The following DNAH8 variants were observed in gnomAD, a reference collection of about 807,000 sequenced individuals.
DNAH8 encodes dynein axonemal heavy chain 8.
A neutral mutation model predicts 562.1 loss-of-function variants in DNAH8; 382 were observed. The observed-to-expected ratio is 0.68, with a 90% CI of 0.63 to 0.74. The LOEUF (loss-of-function observed/expected upper bound fraction) is 0.74. DNAH8 is among the 30% of genes least tolerant of loss of function. DNAH8 has a pLI of 0.00. For synonymous variants in DNAH8, 1,881 were observed against 1,919.4 expected, an observed-to-expected ratio of 0.98 and a Z score of 0.52; for missense variants, 5,203 against 5,620.4, an observed-to-expected ratio of 0.93 and a Z score of 2.37.
intron 18 of DNAH8, among the ~76,000 whole-genome samples, chr6:38,788,155 G>GTT (rs56324450): frequency 0.014 from 1,997 of 147,642 alleles, 28 homozygotes; most frequent in African/African-American, 0.037. Flanking sequence ...GACTTTTCCT[G>GTT]TTTTTTTTTT....
At chr6:38,968,784 A>G (rs186507050) in intron 82 of DNAH8, among the ~76,000 whole-genome samples, 15 of 152,302 alleles carry the variant, frequency 9.8e-5, no homozygotes, top group Non-Finnish European at 2.9e-5. Flanking sequence ...GCCTCTAAGT[A>G]TATACCCCCA....
intron 29 of DNAH8, among the ~76,000 whole-genome samples, chr6:38,827,892 C>T (rs1474156630): frequency 1.3e-5 from 2 of 151,626 alleles, no homozygotes; most frequent in East Asian, 3.9e-4. Context: ...TTAATACAGT[C>T]TGTATCTTAC....
intron 26 of DNAH8, among the ~76,000 whole-genome samples, chr6:38,820,671 A>G (rs1219977179): frequency 6.6e-6 from 1 of 152,236 alleles, no homozygotes; most frequent in Non-Finnish European, 1.5e-5. Flanking sequence ...AAAGTGTTGT[A>G]TAGTTTGACC....
At chr6:38,984,791 A>AAAAAAC (rs913943595) in intron 87 of DNAH8, among the ~76,000 whole-genome samples, 285 of 152,230 alleles carry the variant, frequency 1.9e-3, no homozygotes, top group Admixed American at 2.9e-3. Context: ...CTCTGTCTCA[A>AAAAAAC]AAAAACAAAA....
intron 7 of DNAH8, among the ~76,000 whole-genome samples, chr6:38,738,797 C>T (rs1277503018): frequency 6.6e-6 from 1 of 152,120 alleles, no homozygotes; most frequent in Non-Finnish European, 1.5e-5. Flanking sequence ...GTGCTGGCCA[C>T]AGCATTTGCT....
intron 91 of DNAH8, among the ~76,000 whole-genome samples, chr6:39,021,986 T>A (rs1180683605): frequency 6.6e-6 from 1 of 152,206 alleles, no homozygotes; most frequent in Non-Finnish European, 1.5e-5. Context: ...ACAACAGCCG[T>A]GAGTGTGTTG....
chr6:38,956,030 G>T (rs1160901435), intron 82 of DNAH8, among the ~76,000 whole-genome samples: 2 of 152,218 alleles, frequency 1.3e-5, no homozygotes, highest in African/African-American at 4.8e-5. Context: ...GCACACTAGT[G>T]TCTCAGTGCA....
intron 21 of DNAH8, among the ~76,000 whole-genome samples, chr6:38,793,521 T>G (rs1562805403): frequency 6.6e-6 from 1 of 152,212 alleles, no homozygotes; most frequent in African/African-American, 2.4e-5. Flanking sequence ...CCTTTTTGGA[T>G]TCTCCTATTT....
At chr6:38,725,804 C>T (rs948940899) in intron 3 of DNAH8, among the ~76,000 whole-genome samples, 3 of 152,122 alleles carry the variant, frequency 2.0e-5, no homozygotes, top group Admixed American at 6.5e-5. Flanking sequence ...GTAAATGTCT[C>T]CCATTTTCAT....
rs1779568886 is a variant in DNAH8 at position 38,894,818 on chromosome 6, C to T, written c.8701C>T (p.Leu2901Phe). The T allele has an allele frequency of 6.2e-7, 1 of 1,613,986 alleles. No individual in the cohort carries two copies. ...TGAGGAGTGCGCTTCAATCCCTACT[C>T]TCCTGTCCCTTTTCAAACACGAGTG... The part of the protein sequence containing the change: ...KAEECASIPT[L>F]LSLFKHECSR... Residue 2901 changes from leucine to phenylalanine, a missense_variant, in exon 59 of 93, where the codon CTC becomes TTC. Physicochemically the swap from Leu to Phe is conservative, Grantham distance 22. Around this residue, in one of 6 missense-constraint regions of DNAH8, gnomAD observed 977 missense variants for 1,061.8 expected, o/e 0.92. Transcript: ENST00000327475.
intron 28 of DNAH8, among the ~76,000 whole-genome samples, chr6:38,825,430 T>A (rs1773226679): frequency 6.6e-6 from 1 of 152,162 alleles, no homozygotes; most frequent in Admixed American, 6.5e-5. Flanking sequence ...ATTTGAGCTA[T>A]GTTAAGGGAG....
chr6:38,750,573 T>C lies in DNAH8; in HGVS notation c.1391T>C (p.Leu464Pro), dbSNP rs762370274. 11 of 1,600,414 alleles carry C rather than the reference T, an allele frequency of 6.9e-6. 1 individual carries two copies. In the South Asian group the frequency reaches 1.0e-4, roughly 15 times the overall value. ...ACTTTGGAAAAAGTGTGTCAACCTC[T>C]CTATAACCATGACCTAGTAAGTATG... Reference protein sequence around the residue: ...LYTLEKVCQPLYNHDLVSMAH... With the variant: ...LYTLEKVCQPPYNHDLVSMAH... Residue 464 changes from leucine to proline, a missense_variant, in exon 9 of 93, where the codon CTC (leucine) becomes CCC (proline). By Grantham distance (98) the Leu-to-Pro change is moderately conservative. Transcript: ENST00000327475.
intron 91 of DNAH8, among the ~76,000 whole-genome samples, chr6:39,023,867 AT>A (rs1328734011): frequency 6.6e-6 from 1 of 152,204 alleles, no homozygotes; most frequent in Non-Finnish European, 1.5e-5. Context: ...TATATTTAAC[AT>A]TTTCCTTTCT....
At chr6:38,721,846 C>T (rs1374842280) in intron 1 of DNAH8, among the ~76,000 whole-genome samples, 1 of 152,182 alleles carries the variant, frequency 6.6e-6, no homozygotes, top group Non-Finnish European at 1.5e-5. Context: ...AGGTCTGCAT[C>T]TGTGTCCTCA....
intron 30 of DNAH8, among the ~76,000 whole-genome samples, chr6:38,832,051 A>G (rs1382248812): frequency 6.6e-6 from 1 of 152,182 alleles, no homozygotes; most frequent in African/African-American, 2.4e-5. Context: ...CATGCCAATA[A>G]TAGTATCTGT....
intron 57 of DNAH8, among the ~76,000 whole-genome samples, chr6:38,890,446 A>G (rs1779263994): frequency 6.6e-6 from 1 of 152,188 alleles, no homozygotes; most frequent in African/African-American, 2.4e-5. Context: ...GTGGGGGATT[A>G]AATGAGTCAA....
chr6:38,995,794 G>A (rs971465699), intron 88 of DNAH8, among the ~76,000 whole-genome samples: 1 of 152,176 alleles, frequency 6.6e-6, no homozygotes, highest in African/African-American at 2.4e-5. Context: ...GTAGACCTTG[G>A]TCTGAAATCT....
chr6:38,720,810 T>C (rs1165002945), intron 1 of DNAH8, among the ~76,000 whole-genome samples: 1 of 151,786 alleles, frequency 6.6e-6, no homozygotes, highest in Non-Finnish European at 1.5e-5. Context: ...GAATTCAAAA[T>C]AGCACTGAGG....
At chr6:38,980,243 A>G (rs1162360193) in intron 85 of DNAH8, among the ~76,000 whole-genome samples, 2 of 152,208 alleles carry the variant, frequency 1.3e-5, no homozygotes, top group Non-Finnish European at 2.9e-5. Flanking sequence ...ACAAAAATAG[A>G]AGACGTGTTT....
Sources: allele counts gnomAD v4.1 joint callset (sites outside exome capture counted in the v4.1 genomes callset), GRCh38; gene constraint gnomAD v4.1.1; regional missense constraint gnomAD v4.1.1; transcripts MANE v1.5; gene names NCBI Gene and HGNC (gene_info 2026-07-23, HGNC 2026-07-21).